ACP3: variants seen among roughly 807,000 people sequenced by gnomAD.
The protein encoded by ACP3 is prostatic acid phosphatase.
Under a neutral mutation model 45.6 loss-of-function variants are expected in ACP3, and 38 were observed. The ratio of observed to expected loss-of-function variants is 0.83; its 90% CI spans 0.64 to 1.09. The LOEUF is 1.09. ACP3 is among the 50% of genes least tolerant of loss of function. The probability of loss-of-function intolerance (pLI) is 0.00; values close to 1 mark genes in which losing one functional copy is unlikely to be tolerated. For synonymous variants in ACP3, 162 were observed against 164.7 expected (o/e 0.98, Z 0.13); for missense variants, 466 against 463.2 (o/e 1.01, Z -0.05).
intron 5 of ACP3, among the ~76,000 whole-genome samples, chr3:132,342,088 A>G (rs559441408): frequency 6.6e-6 from 1 of 152,294 alleles, no homozygotes; most frequent in Admixed American, 6.5e-5. Flanking sequence ...CCTGGGACAT[A>G]TTTACACATG....
downstream of ACP3, among the ~76,000 whole-genome samples, chr3:132,363,061 C>T (rs888567772): frequency 6.6e-6 from 1 of 152,048 alleles, no homozygotes; most frequent in African/African-American, 2.4e-5. Context: ...AAATATTTTA[C>T]AGTACAAAGG....
chr3:132,363,085 A>AAAAT (rs55698331), downstream of ACP3, among the ~76,000 whole-genome samples: 910 of 151,938 alleles, frequency 6.0e-3, 11 homozygotes, highest in African/African-American at 0.017. Flanking sequence ...ATATCATTTA[A>AAAAT]AAATAAATAA....
chr3:132,331,838 CAG>C (rs1937404910), intron 3 of ACP3, 105 bp downstream of exon 3: 22 of 1,032,218 alleles, frequency 2.1e-5, no homozygotes, highest in Non-Finnish European at 1.4e-6. Flanking sequence ...TTATACAAGT[CAG>C]AGGTCTTGTT....
At chr3:132,347,573 A>G (rs1029010513) in intron 7 of ACP3, among the ~76,000 whole-genome samples, 3 of 151,964 alleles carry the variant, frequency 2.0e-5, no homozygotes, top group Non-Finnish European at 4.4e-5. Flanking sequence ...TTGACCTCCC[A>G]GGCTCAAGCG....
chr3:132,356,545 C>T lies in ACP3; in HGVS notation c.969-141C>T. 3 of 1,493,706 alleles carry T rather than the reference C, an allele frequency of 2.0e-6. No homozygotes were observed. The East Asian group carries it at 6.8e-5, about 34-fold the overall frequency. 92.5% of individuals were successfully genotyped at this position (1,493,706 alleles called of 1,614,324 possible). ...GCCTGCCCCAGTCTCCCCATTTACACACCTAAATTGGCTAAAATCTCCCCA... is the reference window on the plus strand; with the variant it reads ...GCCTGCCCCAGTCTCCCCATTTACATACCTAAATTGGCTAAAATCTCCCCA... On this transcript the variant is annotated intron_variant, in intron 9 of 9. Transcript: ENST00000336375.
At chr3:132,336,723 G>A (rs1214311087) in intron 4 of ACP3, among the ~76,000 whole-genome samples, 3 of 151,924 alleles carry the variant, frequency 2.0e-5, no homozygotes, top group Admixed American at 6.6e-5. Context: ...GTTTAGCCTT[G>A]TACATGTTAA....
intron 1 of ACP3, among the ~76,000 whole-genome samples, chr3:132,327,635 A>G (rs994259371): frequency 1.3e-5 from 2 of 151,962 alleles, no homozygotes; most frequent in Admixed American, 1.3e-4. Context: ...CCTGGCCAAC[A>G]TGGTGAAACT....
intron 1 of ACP3, among the ~76,000 whole-genome samples, chr3:132,320,001 C>T (rs1455969483): frequency 6.6e-6 from 1 of 151,762 alleles, no homozygotes; most frequent in Admixed American, 6.6e-5. Context: ...TGCCTGTGAC[C>T]CATGAAATGC....
intron 4 of ACP3, among the ~76,000 whole-genome samples, chr3:132,335,169 G>A (rs991528550): frequency 6.6e-6 from 1 of 152,064 alleles, no homozygotes; most frequent in African/African-American, 2.4e-5. Context: ...CAATTTGAAA[G>A]CCATGCATGC....
chr3:132,353,152 A>AATAAT (rs1937798734), intron 9 of ACP3, among the ~76,000 whole-genome samples: 1 of 152,198 alleles, frequency 6.6e-6, no homozygotes, highest in African/African-American at 2.4e-5. Context: ...ATGGTTATAT[A>AATAAT]ATAATATTTT....
intron 5 of ACP3, among the ~76,000 whole-genome samples, chr3:132,341,864 A>G (rs1035997639): frequency 6.6e-6 from 1 of 152,208 alleles, no homozygotes; most frequent in African/African-American, 2.4e-5. Context: ...CAGACAGACA[A>G]TATCTTCCAA....
chr3:132,361,367 G>C (rs1322642426), downstream of ACP3, among the ~76,000 whole-genome samples: 1 of 152,022 alleles, frequency 6.6e-6, no homozygotes, highest in Admixed American at 6.5e-5. Flanking sequence ...ACTTGCTTTG[G>C]TATGCTCCGA....
intron 1 of ACP3, among the ~76,000 whole-genome samples, chr3:132,325,656 G>C (rs1472352929): frequency 4.4e-5 from 6 of 135,414 alleles, no homozygotes; most frequent in South Asian, 2.5e-4. Context: ...ATACTAAGTA[G>C]AGTTAATAAA....
downstream of ACP3, among the ~76,000 whole-genome samples, chr3:132,361,347 G>A (rs1938036675): frequency 2.0e-5 from 3 of 152,122 alleles, no homozygotes; most frequent in South Asian, 6.2e-4. Flanking sequence ...ATTTGCTAAA[G>A]ACATTGGCAA....
rs1283812212 is a variant in ACP3 at position 132,358,110 on chromosome 3, C to T, written c.*1232C>T. 5.2e-6 allele frequency: 1 copy of T among 190,972 alleles called. No homozygotes were observed. The highest frequency in any genetic ancestry group is 1.9e-4 in the East Asian group (1 of 5,316). 11.8% of individuals were successfully genotyped at this position (190,972 alleles called of 1,614,324 possible). A position where few individuals can be genotyped will look rare whatever the true frequency, so the allele number is the denominator to read the frequency against. On this transcript the variant is annotated 3_prime_UTR_variant, in exon 10 of 10. Transcript: ENST00000336375. Reference sequence around the variant, plus strand: ...AGTTGATTAAGAAAGGAAGTATAGGCCAGGCACAGTGGCTCACACCTGTAA... The same window carrying T: ...AGTTGATTAAGAAAGGAAGTATAGGTCAGGCACAGTGGCTCACACCTGTAA...
chr3:132,317,707 T>A, intron 1 of ACP3, 131 bp downstream of exon 1: 1 of 1,062,784 alleles, frequency 9.4e-7, no homozygotes, highest in Non-Finnish European at 1.2e-6. Context: ...ACTCAGAAAG[T>A]GAATAATCAA....
chr3:132,349,133 T>C (rs1937660158), intron 7 of ACP3, among the ~76,000 whole-genome samples: 1 of 152,010 alleles, frequency 6.6e-6, no homozygotes, highest in Non-Finnish European at 1.5e-5. Flanking sequence ...TAAAACAGGA[T>C]CTGTTTTGGC....
intron 1 of ACP3, among the ~76,000 whole-genome samples, chr3:132,324,218 C>CA (rs35597004): frequency 0.3 from 21,757 of 73,508 alleles, 2,271 homozygotes; most frequent in African/African-American, 0.31. Flanking sequence ...GACTCCATCT[C>CA]AAAAAAAAAA....
At position 132,317,505 on chromosome 3, in the gene ACP3, G is replaced by A. The variant is rs201023741; in HGVS notation, c.49G>A (p.Gly17Ser). 2.3e-5 allele frequency: 37 copies of A among 1,613,670 alleles called. No individual in the cohort carries two copies. In the East Asian group the frequency reaches 8.0e-4, roughly 35 times the overall value. The change falls in exon 1 of 10, where the codon GGC becomes AGC. Residue 17 changes from glycine to serine, a missense_variant. Coordinates refer to ENST00000336375, the MANE Select transcript of ACP3 (RefSeq NM_001099.5). The stretch of plus-strand genomic sequence containing the variant: ...GGCCAGGGCAGCAAGCCTTAGCCTT[G>A]GCTTCTTGTTTCTGCTTTTTTTCTG... Reference protein sequence around the residue: ...LLARAASLSLGFLFLLFFWLD... With the variant: ...LLARAASLSLSFLFLLFFWLD...
Sources: allele counts gnomAD v4.1 joint callset (sites outside exome capture counted in the v4.1 genomes callset), GRCh38; gene constraint gnomAD v4.1.1; transcripts MANE v1.5; gene names NCBI Gene and HGNC (gene_info 2026-07-23, HGNC 2026-07-21).